Variants in CNTNAP2 observed in about 807,000 individuals in gnomAD.
CNTNAP2 encodes the protein contactin-associated protein-like 2.
In CNTNAP2, 98 loss-of-function variants were observed where a neutral mutation model predicts 155.2. The ratio of observed to expected loss-of-function variants is 0.63; its 90% CI spans 0.54 to 0.75. CNTNAP2 has a LOEUF of 0.75. Among genes scored for constraint, CNTNAP2 ranks in the 30% least tolerant of loss-of-function variants. CNTNAP2 has a pLI of 0.00. For synonymous variants in CNTNAP2, 651 were observed against 631.2 expected (o/e 1.03, Z -0.47); for missense variants, 1,727 against 1,688.1 (o/e 1.02, Z -0.40).
At chr7:147,340,197 C>A (rs529826709) in intron 9 of CNTNAP2, among the ~76,000 whole-genome samples, 2 of 152,158 alleles carry the variant, frequency 1.3e-5, no homozygotes, top group African/African-American at 4.8e-5. Flanking sequence ...ATCATGTATA[C>A]CCTGTCAAAG....
chr7:147,601,336 T>A (rs1800939097), intron 12 of CNTNAP2, among the ~76,000 whole-genome samples: 1 of 151,618 alleles, frequency 6.6e-6, no homozygotes, highest in Admixed American at 6.6e-5. Context: ...TTTTATAGGA[T>A]TTGGGTAGGT....
chr7:146,519,223 G>A (rs963497071), intron 1 of CNTNAP2, among the ~76,000 whole-genome samples: 11 of 151,738 alleles, frequency 7.2e-5, no homozygotes, highest in African/African-American at 2.7e-4. Context: ...GATCTATCGA[G>A]AAGTGTTTAG....
intron 1 of CNTNAP2, among the ~76,000 whole-genome samples, chr7:146,304,019 T>C (rs1398846909): frequency 1.3e-5 from 2 of 152,102 alleles, no homozygotes; most frequent in Non-Finnish European, 2.9e-5. Flanking sequence ...TACCATTATG[T>C]AATGGTCTTC....
intron 4 of CNTNAP2, among the ~76,000 whole-genome samples, chr7:147,084,776 G>A (rs1385197238): frequency 6.8e-6 from 1 of 146,664 alleles, no homozygotes; most frequent in South Asian, 2.1e-4. Context: ...TATATAATAT[G>A]TAACATGATG....
At chr7:147,033,318 G>T (rs188026134) in intron 3 of CNTNAP2, among the ~76,000 whole-genome samples, 1 of 150,764 alleles carries the variant, frequency 6.6e-6, no homozygotes, top group Non-Finnish European at 1.5e-5. Context: ...TGATTGGGGT[G>T]GGGGGTTAAT....
chr7:147,152,893 A>G (rs1801853645), intron 8 of CNTNAP2, among the ~76,000 whole-genome samples: 1 of 152,136 alleles, frequency 6.6e-6, no homozygotes, highest in Non-Finnish European at 1.5e-5. Flanking sequence ...CTATGCACTG[A>G]CATGACCCAA....
rs1271611579 is a variant in CNTNAP2 at position 147,396,017 on chromosome 7, G to T, written c.1670+237G>T. Among the ~76,000 whole-genome samples, 3 of 147,496 alleles carry T rather than the reference G, an allele frequency of 2.0e-5. No individual in the cohort carries two copies. The East Asian group carries it at 5.9e-4, about 29-fold the overall frequency. Reference sequence around the variant, plus strand: ...TGTATATCATATATAGCATATATATGCTATATATGAGATATATCCTATATG... The same window carrying T: ...TGTATATCATATATAGCATATATATTCTATATATGAGATATATCCTATATG... On this transcript the variant is annotated intron_variant, in intron 10 of 23. Transcript: ENST00000361727.
At chr7:147,775,377 TTATATATATTTATA>T (rs1797566107) in intron 13 of CNTNAP2, among the ~76,000 whole-genome samples, 4 of 72,060 alleles carry the variant, frequency 5.6e-5, no homozygotes, top group African/African-American at 2.7e-4. Flanking sequence ...ATATATATAT[TTATATATATTTATA>T]AATATATATA....
intron 9 of CNTNAP2, among the ~76,000 whole-genome samples, chr7:147,322,957 C>T: frequency 1.4e-5 from 1 of 72,500 alleles, no homozygotes. Context: ...CTATTTGATT[C>T]TTCTCTCTTT....
intron 3 of CNTNAP2, among the ~76,000 whole-genome samples, chr7:146,850,254 A>T (rs1347586498): frequency 6.6e-6 from 1 of 152,186 alleles, no homozygotes; most frequent in African/African-American, 2.4e-5. Flanking sequence ...TCCATTTCCA[A>T]ATGAAAATAA....
chr7:146,303,409 T>A (rs1020574542), intron 1 of CNTNAP2, among the ~76,000 whole-genome samples: 1 of 152,066 alleles, frequency 6.6e-6, no homozygotes, highest in African/African-American at 2.4e-5. Flanking sequence ...TTTTAATTAT[T>A]GTAGTAAGCA....
chr7:147,538,420 G>A (rs934560084), intron 11 of CNTNAP2, among the ~76,000 whole-genome samples: 1 of 152,166 alleles, frequency 6.6e-6, no homozygotes, highest in Non-Finnish European at 1.5e-5. Context: ...GGAAGGCCAA[G>A]GAGGAAGGAT....
chr7:146,704,498 G>A (rs138475624), intron 1 of CNTNAP2, among the ~76,000 whole-genome samples: 28 of 152,214 alleles, frequency 1.8e-4, no homozygotes, highest in Non-Finnish European at 3.4e-4. Flanking sequence ...TGACTCACGC[G>A]AAGTCAGGAA....
intron 19 of CNTNAP2, among the ~76,000 whole-genome samples, chr7:148,229,031 G>A (rs549866346): frequency 1.6e-4 from 25 of 152,104 alleles, no homozygotes; most frequent in Admixed American, 6.6e-4. Flanking sequence ...TTGTGTCCAG[G>A]CATAATCCCA....
intron 9 of CNTNAP2, among the ~76,000 whole-genome samples, chr7:147,393,894 T>C (rs1236979106): frequency 6.6e-6 from 1 of 152,058 alleles, no homozygotes; most frequent in Non-Finnish European, 1.5e-5. Flanking sequence ...CAAATGACAG[T>C]TATTGGACTT....
chr7:147,181,237 C>G (rs146929473), intron 8 of CNTNAP2, among the ~76,000 whole-genome samples: 2 of 152,064 alleles, frequency 1.3e-5, no homozygotes, highest in African/African-American at 4.8e-5. Flanking sequence ...AGCCGGAGAT[C>G]CGGGAAAACA....
At chr7:146,470,716 C>T (rs557826854) in intron 1 of CNTNAP2, among the ~76,000 whole-genome samples, 73 of 152,114 alleles carry the variant, frequency 4.8e-4, no homozygotes, top group Middle Eastern at 3.4e-3. Flanking sequence ...ATTACAGGTA[C>T]GCACCACCAC....
intron 1 of CNTNAP2, among the ~76,000 whole-genome samples, chr7:146,166,094 G>A (rs1798308308): frequency 6.6e-6 from 1 of 152,004 alleles, no homozygotes; most frequent in South Asian, 2.1e-4. Flanking sequence ...TGGTGGTGGT[G>A]TTCTTGCTTT....
intron 1 of CNTNAP2, among the ~76,000 whole-genome samples, chr7:146,697,654 C>A (rs1207082998): frequency 2.0e-5 from 3 of 152,018 alleles, no homozygotes; most frequent in Non-Finnish European, 4.4e-5. Context: ...TTCTCCATCC[C>A]TTCATCTTAA....
Sources: gnomAD v4.1 joint callset for allele counts (sites outside exome capture counted in the v4.1 genomes callset) on GRCh38, gnomAD v4.1.1 for gene constraint, MANE v1.5 for transcripts, NCBI Gene and HGNC (gene_info 2026-07-23, HGNC 2026-07-21) for gene names.